Variants in TRDN observed in about 807,000 individuals in gnomAD.
TRDN encodes the protein triadin, also known as triadin in skeletal muscle.
A neutral mutation model predicts 149.7 loss-of-function variants in TRDN; 161 were observed. The observed-to-expected ratio is 1.08, with a 90% CI of 0.95 to 1.23. TRDN has a LOEUF of 1.23. Ranked by LOEUF, TRDN falls within the 50% of genes most tolerant of loss-of-function variation. TRDN has a pLI of 0.00. For synonymous variants in TRDN, 294 were observed against 250.5 expected (o/e 1.17, Z -1.64); for missense variants, 896 against 823.5 (o/e 1.09, Z -1.08).
At chr6:123,348,225 T>C (rs1157325000) in intron 21 of TRDN, among the ~76,000 whole-genome samples, 1 of 152,050 alleles carries the variant, frequency 6.6e-6, no homozygotes, top group Non-Finnish European at 1.5e-5. Context: ...TAATATATCA[T>C]TGGTCTATAA....
At chr6:123,328,056 C>T (rs1779525977) in intron 23 of TRDN, among the ~76,000 whole-genome samples, 1 of 152,284 alleles carries the variant, frequency 6.6e-6, no homozygotes, top group South Asian at 2.1e-4. Context: ...CTAAATCACT[C>T]CATATTTTCC....
chr6:123,521,261 A>C (rs1248632070), intron 5 of TRDN, among the ~76,000 whole-genome samples: 2 of 152,180 alleles, frequency 1.3e-5, no homozygotes, highest in East Asian at 1.9e-4. Context: ...CCAGAGCCTA[A>C]GAATGTGACT....
At chr6:123,321,470 C>A (rs1224404831) in intron 23 of TRDN, among the ~76,000 whole-genome samples, 1 of 151,908 alleles carries the variant, frequency 6.6e-6, no homozygotes, top group African/African-American at 2.4e-5. Context: ...TCAGGATCTC[C>A]TGAATATTTG....
At chr6:123,356,387 T>G (rs1274032416) in intron 20 of TRDN, among the ~76,000 whole-genome samples, 1 of 150,846 alleles carries the variant, frequency 6.6e-6, no homozygotes, top group Non-Finnish European at 1.5e-5. Flanking sequence ...TTTAATTTTT[T>G]GAGCTTGCAT....
rs190871662 is a variant in TRDN, at chr6:123,567,217, A to T, written c.232+3706T>A. 5.4e-4 allele frequency among the ~76,000 whole-genome samples: 82 copies of T among 152,342 alleles called. 1 individual carries two copies. In the Middle Eastern group the frequency reaches 0.034, roughly 63 times the overall value. On this transcript the variant is annotated intron_variant, in intron 2 of 40. Coordinates refer to ENST00000334268, the MANE Select transcript of TRDN (RefSeq NM_006073.4). ...TAGACATTACAACTGTGTATATTTT[A>T]AAAGCCTCTATTATACAATAAACTA...
Position 123,584,546 on chromosome 6 carries a change from C to T in TRDN, c.23-13414G>A, listed in dbSNP as rs542814072. On this transcript the variant is annotated intron_variant, in intron 1 of 40. Coordinates refer to ENST00000334268, the MANE Select transcript of TRDN (RefSeq NM_006073.4). ...AGGGATTGAGGTTTGGGAGATTAAT[C>T]GGACACGATCAGCAGGGAACGCACG... is the stretch of plus-strand genomic sequence containing the variant. 3.4e-3 allele frequency among the ~76,000 whole-genome samples: 512 copies of T among 151,936 alleles called. 3 individuals carry two copies. Among genetic ancestry groups the T allele is most frequent in the African/African-American group, 0.012 (484 of 41,410 alleles).
intron 1 of TRDN, among the ~76,000 whole-genome samples, chr6:123,574,130 G>A (rs1362982517): frequency 6.6e-6 from 1 of 151,840 alleles, no homozygotes; most frequent in Non-Finnish European, 1.5e-5. Flanking sequence ...GATAAATTTA[G>A]CCCCATATTT....
At chr6:123,252,585 A>T in intron 37 of TRDN, 150 bp from the exon 38 acceptor site, 1 of 457,066 alleles carries the variant, frequency 2.2e-6, no homozygotes, top group Non-Finnish European at 4.0e-6. Flanking sequence ...GTTGCCTGTC[A>T]ACATAAGTCT....
intron 24 of TRDN, among the ~76,000 whole-genome samples, chr6:123,301,970 T>G (rs1582841928): frequency 1.3e-5 from 2 of 149,912 alleles, no homozygotes; most frequent in East Asian, 3.9e-4. Context: ...ATACATTTCT[T>G]GAGTGTTTAG....
chr6:123,548,722 T>C, intron 2 of TRDN, 110 bp from the exon 3 acceptor site: 3 of 974,994 alleles, frequency 3.1e-6, no homozygotes, highest in Non-Finnish European at 4.0e-6. Flanking sequence ...AATATGTCAA[T>C]TTCAACATTC....
chr6:123,482,290 C>T (rs1341994711), intron 9 of TRDN, among the ~76,000 whole-genome samples: 1 of 152,156 alleles, frequency 6.6e-6, no homozygotes, highest in African/African-American at 2.4e-5. Context: ...GAAAACTTCA[C>T]ACATTTTCAA....
chr6:123,444,781 G>A (rs1324224257), intron 10 of TRDN, among the ~76,000 whole-genome samples: 1 of 152,170 alleles, frequency 6.6e-6, no homozygotes, highest in Non-Finnish European at 1.5e-5. Flanking sequence ...AGATAATTAT[G>A]TGGTTTTTGT....
At chr6:123,623,755 C>T (rs2114719326) in intron 1 of TRDN, among the ~76,000 whole-genome samples, 1 of 152,236 alleles carries the variant, frequency 6.6e-6, no homozygotes, top group East Asian at 1.9e-4. Context: ...CAAATGTTAA[C>T]ATAAGTTCTC....
intron 5 of TRDN, among the ~76,000 whole-genome samples, chr6:123,525,290 A>T (rs1779888744): frequency 6.6e-6 from 1 of 152,114 alleles, no homozygotes; most frequent in African/African-American, 2.4e-5. Context: ...TGGCAAAGTC[A>T]TGGAACCAAA....
At chr6:123,488,060 G>A (rs1198965766) in intron 9 of TRDN, among the ~76,000 whole-genome samples, 1 of 152,020 alleles carries the variant, frequency 6.6e-6, no homozygotes, top group African/African-American at 2.4e-5. Flanking sequence ...CCTCTACTAT[G>A]CTGAGCCTGG....
intron 5 of TRDN, among the ~76,000 whole-genome samples, chr6:123,517,233 A>G (rs1173809040): frequency 1.3e-5 from 2 of 152,112 alleles, no homozygotes; most frequent in Non-Finnish European, 2.9e-5. Flanking sequence ...GACATTTAAG[A>G]GTATGAGAAA....
intron 9 of TRDN, among the ~76,000 whole-genome samples, chr6:123,479,388 A>T (rs1028781106): frequency 7.2e-5 from 11 of 152,228 alleles, no homozygotes; most frequent in Non-Finnish European, 1.5e-4. Flanking sequence ...TAGCTTCATT[A>T]TTTAAACAGC....
intron 5 of TRDN, among the ~76,000 whole-genome samples, chr6:123,526,371 GAGACA>G (rs1779948917): frequency 1.3e-4 from 19 of 151,956 alleles, no homozygotes; most frequent in Admixed American, 6.6e-4. Flanking sequence ...CAGGGTTTCA[GAGACA>G]AATTCTAGAT....
chr6:123,284,297 A>G (rs764788770), intron 24 of TRDN, among the ~76,000 whole-genome samples: 71 of 151,872 alleles, frequency 4.7e-4, no homozygotes, highest in Non-Finnish European at 8.5e-4. Flanking sequence ...CCAGCAGCAT[A>G]TCAAAAAGAC....
Sources: allele counts gnomAD v4.1 joint callset (sites outside exome capture counted in the v4.1 genomes callset), GRCh38; gene constraint gnomAD v4.1.1; transcripts MANE v1.5; gene names NCBI Gene and HGNC (gene_info 2026-07-23, HGNC 2026-07-21).